NUCKS1: variants seen among roughly 807,000 people sequenced by gnomAD.
The protein encoded by NUCKS1 is nuclear casein kinase and cyclin dependent kinase substrate 1, also known as nuclear ubiquitous casein and cyclin-dependent kinase substrate 1.
Under a neutral mutation model 33.0 loss-of-function variants are expected in NUCKS1, and 2 were observed. That is an observed-to-expected ratio of 0.06 (90% CI 0.02 to 0.19). NUCKS1 has a LOEUF of 0.19. Ranked by LOEUF, NUCKS1 falls within the 10% of genes least tolerant of loss-of-function variation. NUCKS1 has a pLI of 1.00. For synonymous variants in NUCKS1, 106 were observed against 102.8 expected (o/e 1.03, Z -0.19); for missense variants, 201 against 293.6 (o/e 0.68, Z 2.31).
intron 1 of NUCKS1, among the ~76,000 whole-genome samples, chr1:205,739,064 T>C (rs767983495): frequency 3.3e-5 from 5 of 152,236 alleles, no homozygotes; most frequent in Non-Finnish European, 5.9e-5. Flanking sequence ...ATATTTGATA[T>C]GTTCTAGTTA....
chr1:205,749,834 C>T (rs1654444145), intron 1 of NUCKS1, 123 bp downstream of exon 1: 3 of 1,107,880 alleles, frequency 2.7e-6, no homozygotes, highest in South Asian at 1.4e-5. Flanking sequence ...GCGCGGGCCC[C>T]GAAAGGGAGG....
intron 1 of NUCKS1, among the ~76,000 whole-genome samples, chr1:205,742,818 C>G (rs1022698926): frequency 2.6e-5 from 4 of 151,792 alleles, no homozygotes; most frequent in Non-Finnish European, 5.9e-5. Context: ...GAGCGAGACT[C>G]GGTCTCAAAG....
intron 1 of NUCKS1, among the ~76,000 whole-genome samples, chr1:205,735,642 T>C (rs1654015284): frequency 6.6e-6 from 1 of 152,226 alleles, no homozygotes; most frequent in Admixed American, 6.5e-5. Context: ...AACTTCAGTC[T>C]CATCATCTGT....
chr1:205,742,867 G>C lies in NUCKS1; in HGVS notation c.17+7090C>G, dbSNP rs181282991. On this transcript the variant is annotated intron_variant, in intron 1 of 6. Transcript: ENST00000367142. ...TAAATAAACAAACAAATAAATAAAA[G>C]GTTTCCTCCTATTGTCCACAACATG... Among the ~76,000 whole-genome samples the C allele has an allele frequency of 2.3e-3, 345 of 152,156 alleles. 1 individual carries two copies. The highest frequency in any genetic ancestry group is 8.0e-3 in the African/African-American group (334 of 41,528).
At chr1:205,719,827 A>C (rs1671889798) in intron 5 of NUCKS1, 151 bp from the exon 6 acceptor site, 1 of 719,538 alleles carries the variant, frequency 1.4e-6, no homozygotes, top group Admixed American at 3.4e-5. Flanking sequence ...ATTTGACTGG[A>C]GTCATCACTG....
Position 205,717,478 on chromosome 1 carries a change from G to A in NUCKS1, c.*802C>T. Reference sequence around the variant, plus strand: ...TTTAGAGAAGGAAATATGAAATCAAGAGTTTTGGCAGCCCCTGCTTTTTTT... The same window carrying A: ...TTTAGAGAAGGAAATATGAAATCAAAAGTTTTGGCAGCCCCTGCTTTTTTT... On this transcript the variant is annotated 3_prime_UTR_variant, in exon 7 of 7. Transcript: ENST00000367142. The A allele has an allele frequency of 1.0e-6, 1 of 978,542 alleles. No individual in the cohort carries two copies. 60.6% of individuals were successfully genotyped at this position (978,542 alleles called of 1,614,324 possible).
intron 1 of NUCKS1, among the ~76,000 whole-genome samples, chr1:205,735,948 C>CTT (rs545520127): frequency 6.2e-5 from 9 of 145,750 alleles, no homozygotes; most frequent in Non-Finnish European, 7.6e-5. Context: ...CAAAATATCT[C>CTT]TTTTTTTTTT....
At chr1:205,727,639 G>C in intron 3 of NUCKS1, 61 bp downstream of exon 3, 1 of 1,079,712 alleles carries the variant, frequency 9.3e-7, no homozygotes, top group Non-Finnish European at 1.4e-6. Flanking sequence ...AGAGATCAGA[G>C]ACTGCTCTCA....
chr1:205,736,829 T>TAA (rs148933667), intron 1 of NUCKS1, among the ~76,000 whole-genome samples: 4 of 127,878 alleles, frequency 3.1e-5, no homozygotes, highest in Non-Finnish European at 3.4e-5. Context: ...AAACTCCTTC[T>TAA]AAAAAAAAAA....
At chr1:205,747,498 C>A (rs1216291467) in intron 1 of NUCKS1, among the ~76,000 whole-genome samples, 1 of 152,138 alleles carries the variant, frequency 6.6e-6, no homozygotes, top group African/African-American at 2.4e-5. Flanking sequence ...ACCATACCAC[C>A]CTTCATTTGG....
At chr1:205,722,693 TA>T (rs1027158601) in intron 4 of NUCKS1, among the ~76,000 whole-genome samples, 7 of 152,194 alleles carry the variant, frequency 4.6e-5, no homozygotes, top group East Asian at 1.9e-4. Context: ...ATGCTCAGCC[TA>T]AAAAAAATTT....
intron 1 of NUCKS1, 145 bp downstream of exon 1, chr1:205,749,812 G>A (rs1430988730): frequency 2.5e-6 from 2 of 811,114 alleles, no homozygotes; most frequent in African/African-American, 3.7e-5. Flanking sequence ...GGCCCCCCAC[G>A]CTCAAGGGTG....
chr1:205,720,368 T>G, intron 5 of NUCKS1, 133 bp downstream of exon 5: 1 of 818,508 alleles, frequency 1.2e-6, no homozygotes, highest in African/African-American at 1.7e-5. Flanking sequence ...AGTCATCTCT[T>G]TTAACACGGA....
chr1:205,735,898 TTG>T (rs1654022013), intron 1 of NUCKS1, among the ~76,000 whole-genome samples: 2 of 152,186 alleles, frequency 1.3e-5, no homozygotes, highest in South Asian at 4.1e-4. Flanking sequence ...TTCAGAAAGA[TTG>T]TCTTTGTTTT....
At position 205,719,941 on chromosome 1, in the gene NUCKS1, G is replaced by C. The variant is rs543683610; in HGVS notation, c.383-265C>G. Among the ~76,000 whole-genome samples, 14 of 152,268 alleles carry C rather than the reference G, an allele frequency of 9.2e-5. No homozygotes were observed. The South Asian group carries it at 2.9e-3, about 32-fold the overall frequency. ...AAACAGGAAGGGTAAGAGTTAATCT[G>C]AATAAAAACTGAAACTATCAAATAA... On this transcript the variant is annotated intron_variant, in intron 5 of 6. Transcript: ENST00000367142.
At chr1:205,727,851 T>A in intron 2 of NUCKS1, 46 bp from the exon 3 acceptor site, 5 of 1,219,808 alleles carry the variant, frequency 4.1e-6, no homozygotes, top group Non-Finnish European at 6.0e-6. Flanking sequence ...TTTTACATGT[T>A]AAAATCACCA....
At chr1:205,738,494 G>A (rs950822802) in intron 1 of NUCKS1, among the ~76,000 whole-genome samples, 2 of 151,114 alleles carry the variant, frequency 1.3e-5, no homozygotes, top group African/African-American at 4.9e-5. Flanking sequence ...CAACTCCTGG[G>A]CTCATGCAAT....
Position 205,720,629 on chromosome 1 carries a change from T to A in NUCKS1, c.254A>T (p.Asp85Val). 6.2e-7 allele frequency: 1 copy of A among 1,613,862 alleles called. No individual in the cohort carries two copies. The highest frequency in any genetic ancestry group is 8.5e-7 in the Non-Finnish European group (1 of 1,179,978). Residue 85 changes from aspartate to valine, a missense_variant, in exon 5 of 7, where the codon GAT (aspartate) becomes GTT (valine). Physicochemically the swap from Asp to Val is radical, Grantham distance 152. Transcript: ENST00000367142. ...SAEDSEDEKE[D>V]HKNVRQQRQA... is the part of the protein sequence containing the mutation. ...CCGTTGTTGGCGCACATTTTTATGA[T>A]CTTCTTTTTCATCTTCACTATCCTC...
intron 1 of NUCKS1, among the ~76,000 whole-genome samples, chr1:205,749,697 G>C (rs1038904194): frequency 8.6e-4 from 131 of 151,978 alleles, no homozygotes; most frequent in Middle Eastern, 6.9e-3. Context: ...CCGCTCTAGT[G>C]CGGTGGGTGG....
Sources: allele counts gnomAD v4.1 joint callset (sites outside exome capture counted in the v4.1 genomes callset), GRCh38; gene constraint gnomAD v4.1.1; transcripts MANE v1.5; gene names NCBI Gene and HGNC (gene_info 2026-07-23, HGNC 2026-07-21).